Variants in UROC1 observed in about 807,000 individuals in gnomAD.
The protein encoded by UROC1 is urocanate hydratase.
A neutral mutation model predicts 89.5 loss-of-function variants in UROC1; 79 were observed. That is an observed-to-expected ratio of 0.88 (90% CI 0.74 to 1.06). UROC1 has a LOEUF of 1.06. UROC1 is among the 50% of genes least tolerant of loss of function. UROC1 has a pLI of 0.00. For synonymous variants in UROC1, 361 were observed against 354.8 expected (o/e 1.02, Z -0.20); for missense variants, 885 against 907.8 (o/e 0.97, Z 0.32).
chr3:126,515,124 C>T (rs761689830), intron 1 of UROC1, among the ~76,000 whole-genome samples: 14 of 152,052 alleles, frequency 9.2e-5, no homozygotes, highest in Non-Finnish European at 2.1e-4. Context: ...GAGCCACCTT[C>T]TCCCAACACA....
chr3:126,483,136 G>A (rs558604041), intron 19 of UROC1, among the ~76,000 whole-genome samples: 3 of 152,230 alleles, frequency 2.0e-5, no homozygotes, highest in Admixed American at 1.3e-4. Context: ...CTGAACTCCC[G>A]CCTTTGCTCC....
intron 14 of UROC1, among the ~76,000 whole-genome samples, chr3:126,496,635 G>A (rs1044556770): frequency 3.3e-5 from 5 of 152,226 alleles, no homozygotes; most frequent in African/African-American, 4.8e-5. Flanking sequence ...CCAAGCTCAC[G>A]GAGTATGTGT....
At chr3:126,510,520 T>C in intron 2 of UROC1, 144 bp downstream of exon 2, 1 of 1,386,612 alleles carries the variant, frequency 7.2e-7, no homozygotes, top group Non-Finnish European at 9.8e-7. Flanking sequence ...CGACACAGAA[T>C]CTTCCCTCCC....
At chr3:126,487,998 TGG>T (rs1560115812) in intron 18 of UROC1, among the ~76,000 whole-genome samples, 198 bp downstream of exon 18, 5 of 152,012 alleles carry the variant, frequency 3.3e-5, no homozygotes, top group African/African-American at 1.2e-4. Context: ...AGAGGTGGGG[TGG>T]CTAATGCAAG....
At chr3:126,514,250 C>T (rs1936252727) in intron 1 of UROC1, among the ~76,000 whole-genome samples, 1 of 152,178 alleles carries the variant, frequency 6.6e-6, no homozygotes. Context: ...GAGGGGAGTA[C>T]ATTGGTAGTG....
chr3:126,498,534 C>T (rs531114529), intron 13 of UROC1, among the ~76,000 whole-genome samples: 1 of 152,062 alleles, frequency 6.6e-6, no homozygotes, highest in Non-Finnish European at 1.5e-5. Context: ...GGAACTCGCC[C>T]TAGGTGAGCT....
chr3:126,493,137 G>A (rs1935691606), intron 15 of UROC1, among the ~76,000 whole-genome samples: 3 of 152,152 alleles, frequency 2.0e-5, no homozygotes, highest in Non-Finnish European at 4.4e-5. Flanking sequence ...GTTGTCCCCG[G>A]GAGACAGCTT....
In UROC1 at chr3:126,498,121, C is replaced by T. The variant is rs897787654; in HGVS notation, c.1368G>A (p.Gly456=). The T allele has an allele frequency of 1.9e-6, 3 of 1,614,040 alleles. No individual in the cohort carries two copies. The highest frequency in any genetic ancestry group is 1.7e-5 in the Admixed American group (1 of 60,006). The stretch of plus-strand genomic sequence containing the variant: ...CTGTGACCGCCAGGTCCTGGGGGTC[C>T]CCCGATGTGCACACCCAGCGGAAAG... ...FGPFRWVCTS[G]DPQDLAVTDE... is the part of the protein sequence containing the mutation. Residue 456 remains glycine, a synonymous_variant, in exon 14 of 20, where the codon GGG becomes GGA. Coordinates refer to ENST00000290868, the MANE Select transcript of UROC1 (RefSeq NM_144639.3).
At chr3:126,490,865 A>C (rs964314335) in intron 16 of UROC1, among the ~76,000 whole-genome samples, 4 of 152,158 alleles carry the variant, frequency 2.6e-5, no homozygotes, top group African/African-American at 7.2e-5. Context: ...TTTGCAGTGC[A>C]CCTGGGGAGC....
At chr3:126,499,697 T>G (rs901090666) in intron 12 of UROC1, among the ~76,000 whole-genome samples, 1 of 152,238 alleles carries the variant, frequency 6.6e-6, no homozygotes, top group Non-Finnish European at 1.5e-5. Flanking sequence ...CTGCGGACAC[T>G]GTGCCTTTTG....
chr3:126,504,308 C>A (rs924670664), intron 8 of UROC1, among the ~76,000 whole-genome samples: 1 of 152,174 alleles, frequency 6.6e-6, no homozygotes, highest in East Asian at 1.9e-4. Flanking sequence ...CACGGTTCAG[C>A]CCCAGGAGAT....
intron 3 of UROC1, among the ~76,000 whole-genome samples, chr3:126,509,205 C>T (rs944342532): frequency 1.2e-4 from 18 of 149,378 alleles, no homozygotes; most frequent in Non-Finnish European, 2.7e-4. Context: ...CACTATACTC[C>T]AGCCTGGGCC....
At chr3:126,505,628 G>C in intron 8 of UROC1, 73 bp downstream of exon 8, 1 of 1,584,854 alleles carries the variant, frequency 6.3e-7, no homozygotes, top group Non-Finnish European at 8.6e-7. Context: ...TAAGTGATCC[G>C]GGAGGAAGAA....
At chr3:126,509,239 A>T (rs918622133) in intron 3 of UROC1, among the ~76,000 whole-genome samples, 2 of 125,322 alleles carry the variant, frequency 1.6e-5, no homozygotes, top group Non-Finnish European at 3.4e-5. Flanking sequence ...CTGTCTCTCT[A>T]AAAAAAAAAA....
intron 2 of UROC1, 51 bp downstream of exon 2, chr3:126,510,613 G>A (rs768305457): frequency 2.2e-5 from 35 of 1,607,302 alleles, no homozygotes; most frequent in East Asian, 8.9e-5. Context: ...AGTCCCTTGC[G>A]GGAGCTGCCT....
intron 18 of UROC1, among the ~76,000 whole-genome samples, chr3:126,487,728 G>A (rs913514628): frequency 1.3e-5 from 2 of 152,216 alleles, no homozygotes; most frequent in African/African-American, 4.8e-5. Context: ...GCCGAGGGGA[G>A]AGGGGAACCA....
At chr3:126,512,698 G>A (rs1380294657) in intron 1 of UROC1, among the ~76,000 whole-genome samples, 3 of 152,154 alleles carry the variant, frequency 2.0e-5, no homozygotes, top group East Asian at 3.9e-4. Context: ...ACTCCAGCTT[G>A]GACAAAACTA....
intron 15 of UROC1, among the ~76,000 whole-genome samples, chr3:126,493,912 G>A (rs937723628): frequency 6.6e-6 from 1 of 152,332 alleles, no homozygotes; most frequent in Non-Finnish European, 1.5e-5. Context: ...GGCCACGGAA[G>A]CAGCTGTGCA....
chr3:126,506,613 G>A, intron 6 of UROC1, among the ~76,000 whole-genome samples: 1 of 152,188 alleles, frequency 6.6e-6, no homozygotes, highest in East Asian at 1.9e-4. Context: ...CTCTTGTGAA[G>A]GTGGGAAAGG....
Sources: allele counts gnomAD v4.1 joint callset (sites outside exome capture counted in the v4.1 genomes callset), GRCh38; gene constraint gnomAD v4.1.1; transcripts MANE v1.5; gene names NCBI Gene and HGNC (gene_info 2026-07-23, HGNC 2026-07-21).